The following MTMR4 variants were observed in gnomAD, a reference collection of about 807,000 sequenced individuals.
MTMR4 encodes the protein phosphatidylinositol-3,5-bisphosphate 3-phosphatase MTMR4.
MTMR4 carries 30 observed loss-of-function variants against 125.5 expected under a neutral mutation model. That is an observed-to-expected ratio of 0.24 (90% CI 0.18 to 0.32). The LOEUF (loss-of-function observed/expected upper bound fraction) is 0.32, where lower values mean the gene tolerates loss of function less well. Ranked by LOEUF, MTMR4 falls within the 10% of genes least tolerant of loss-of-function variation. The pLI, the probability that MTMR4 is intolerant of heterozygous loss-of-function variation, is 1.00. For missense variants in MTMR4, 1,039 were observed against 1,511.5 expected (o/e 0.69, Z 5.18); for synonymous variants, 498 against 564.5 (o/e 0.88, Z 1.67).
chr17:58,494,623 G>A (rs1975403918), intron 15 of MTMR4, among the ~76,000 whole-genome samples: 1 of 152,128 alleles, frequency 6.6e-6, no homozygotes, highest in African/African-American at 2.4e-5. Context: ...CTACGCTTCT[G>A]CAAATGGTGT....
At chr17:58,499,437 C>T (rs964028019) in intron 14 of MTMR4, among the ~76,000 whole-genome samples, 3 of 151,954 alleles carry the variant, frequency 2.0e-5, no homozygotes, top group African/African-American at 2.4e-5. Flanking sequence ...ATCCCAGTTA[C>T]TCGGGAGGCT....
chr17:58,505,683 G>T, intron 9 of MTMR4, 100 bp from the exon 10 acceptor site: 2 of 684,052 alleles, frequency 2.9e-6, no homozygotes, highest in Non-Finnish European at 2.6e-6. Context: ...TGAAGCGGTT[G>T]GATCACCTGA....
intron 15 of MTMR4, among the ~76,000 whole-genome samples, chr17:58,493,369 T>G (rs1422081881): frequency 6.6e-6 from 1 of 152,266 alleles, no homozygotes; most frequent in African/African-American, 2.4e-5. Flanking sequence ...TGTTTTGTTT[T>G]TGAGACAAGG....
At chr17:58,513,717 G>A (rs1289073038) in intron 1 of MTMR4, among the ~76,000 whole-genome samples, 2 of 151,916 alleles carry the variant, frequency 1.3e-5, no homozygotes, top group Non-Finnish European at 2.9e-5. Context: ...GAGGAGGCCC[G>A]GCAGACACCC....
chr17:58,514,660 G>C (rs919771032), upstream of MTMR4: 14 of 985,194 alleles, frequency 1.4e-5, no homozygotes, highest in African/African-American at 5.2e-5. Context: ...GGGAGAGCCC[G>C]GGACCGCGGC....
chr17:58,507,531 G>T (rs1035818779), intron 7 of MTMR4, among the ~76,000 whole-genome samples: 1 of 152,174 alleles, frequency 6.6e-6, no homozygotes, highest in African/African-American at 2.4e-5. Flanking sequence ...TATGTCCAAG[G>T]TGACCTTGAC....
Position 58,492,808 on chromosome 17 carries a change from C to T in MTMR4, c.3363+34G>A, listed in dbSNP as rs147062895. 3,677 of 1,568,772 alleles carry T rather than the reference C, an allele frequency of 2.3e-3. 9 individuals carry two copies. The highest frequency in any genetic ancestry group is 8.2e-3 in the South Asian group (743 of 90,092). Reference sequence around the variant, plus strand: ...GAAAATATGATGACTCACTGGCTCACGTAAGTACCCACCACATATGTGCCT... The same window carrying T: ...GAAAATATGATGACTCACTGGCTCATGTAAGTACCCACCACATATGTGCCT... On this transcript the variant is annotated intron_variant, in intron 16 of 17. Transcript: ENST00000682306.
At position 58,507,108 on chromosome 17, in the gene MTMR4, T is replaced by A; in HGVS notation, c.904+15A>T. 1 of 1,613,968 alleles carries A rather than the reference T, an allele frequency of 6.2e-7. No individual in the cohort carries two copies. Among genetic ancestry groups the A allele is most frequent in the Non-Finnish European group, 8.5e-7 (1 of 1,179,904 alleles). ...GGGCCTGCTCCCTGGGGGGTTAGCA[T>A]CATCCACACCTTACCAAAGTCAGCA... On this transcript the variant is annotated intron_variant, in intron 8 of 17. Coordinates refer to ENST00000682306, the MANE Select transcript of MTMR4 (RefSeq NM_001378067.1).
chr17:58,516,507 T>C, upstream of MTMR4: 2 of 1,528,742 alleles, frequency 1.3e-6, no homozygotes, highest in Non-Finnish European at 9.1e-7. Context: ...CTAGGACAGG[T>C]GGGGCAGCTT....
In MTMR4 at chr17:58,512,344, C is replaced by T. The variant is rs767588346; in HGVS notation, c.252+46G>A. The T allele has an allele frequency of 5.4e-6, 8 of 1,484,318 alleles. No homozygotes were observed. The Admixed American group carries it at 1.3e-4, about 25-fold the overall frequency. 91.9% of individuals were successfully genotyped at this position (1,484,318 alleles called of 1,614,324 possible). On this transcript the variant is annotated intron_variant, in intron 3 of 17. Transcript: ENST00000682306. This position sits in a 1 kb window ranked among gnomAD's most constrained non-coding sequence, Gnocchi z 4.1. ...CTTGGAACAATCCCACCTTGAACTT[C>T]ATAGGGATTCTAGCTTAGGGGTAGG...
In MTMR4 at chr17:58,495,650, T is replaced by A. The variant is rs1404658868; in HGVS notation, c.2534A>T (p.Asp845Val). 2 of 1,614,058 alleles carry A rather than the reference T, an allele frequency of 1.2e-6. No individual in the cohort carries two copies. The highest frequency in any genetic ancestry group is 1.7e-6 in the Non-Finnish European group (2 of 1,180,040). ...ACQTPLDPST[D>V]FLNQDPSGSV... ...CCCTGAGGGATCTTGGTTGAGGAAG[T>A]CAGTGCTTGGGTCTAGAGGAGTTTG... Residue 845 changes from aspartate to valine, a missense_variant, in exon 15 of 18, where the codon GAC (aspartate) becomes GTC (valine). Physicochemically the swap from Asp to Val is radical, Grantham distance 152. This residue lies in a region of MTMR4 where 619 missense variants were observed against 714.5 expected (regional missense o/e 0.87). Coordinates refer to ENST00000682306, the MANE Select transcript of MTMR4 (RefSeq NM_001378067.1).
intron 15 of MTMR4, 142 bp from the exon 16 acceptor site, chr17:58,493,094 C>A: frequency 1.6e-6 from 1 of 617,966 alleles, no homozygotes; most frequent in Non-Finnish European, 2.9e-6. Context: ...ACTAATATCC[C>A]CATTTTACAA....
At chr17:58,513,316 G>C (rs1277363851) in intron 1 of MTMR4, among the ~76,000 whole-genome samples, 2 of 152,186 alleles carry the variant, frequency 1.3e-5, no homozygotes, top group African/African-American at 4.8e-5. Flanking sequence ...GTGCTGTCCT[G>C]AGGAAAAGGA....
At chr17:58,509,154 C>G (rs1975859684) in intron 4 of MTMR4, among the ~76,000 whole-genome samples, 1 of 151,990 alleles carries the variant, frequency 6.6e-6, no homozygotes, top group South Asian at 2.1e-4. Flanking sequence ...ACTCCTTGTC[C>G]CTACCCTAAT....
chr17:58,499,384 T>C (rs1975558814), intron 14 of MTMR4, among the ~76,000 whole-genome samples: 1 of 152,012 alleles, frequency 6.6e-6, no homozygotes, highest in Non-Finnish European at 1.5e-5. Context: ...CCGTCTCTAC[T>C]AAAAATACAA....
intron 7 of MTMR4, chr17:58,507,953 A>T (rs72628393): frequency 0.39 from 184,187 of 469,694 alleles, 36,941 homozygotes; most frequent in East Asian, 0.53. Context: ...ACACACACAC[A>T]CTCTAAAAAA....
In MTMR4 at chr17:58,512,133, G is replaced by T. The variant is rs184837444; in HGVS notation, c.252+257C>A. 3.9e-5 allele frequency among the ~76,000 whole-genome samples: 6 copies of T among 152,092 alleles called. No individual in the cohort carries two copies. Among genetic ancestry groups the T allele is most frequent in the East Asian group, 1.9e-4 (1 of 5,178 alleles). On this transcript the variant is annotated intron_variant, in intron 3 of 17. Transcript: ENST00000682306. This position sits in a 1 kb window ranked among gnomAD's most constrained non-coding sequence, Gnocchi z 4.1. ...CCCGAGTAGGTGGGATTACAGGTGC[G>T]CACCACCAAGCCCGACTAATTTTTG...
At chr17:58,513,753 G>A (rs370361762) in intron 1 of MTMR4, among the ~76,000 whole-genome samples, 2 of 152,084 alleles carry the variant, frequency 1.3e-5, no homozygotes, top group East Asian at 1.9e-4. Flanking sequence ...GGACAGCTGA[G>A]AGGACAGATG....
At chr17:58,493,343 G>A (rs971083804) in intron 15 of MTMR4, among the ~76,000 whole-genome samples, 1 of 152,212 alleles carries the variant, frequency 6.6e-6, no homozygotes, top group African/African-American at 2.4e-5. Flanking sequence ...TTTACTTACT[G>A]TCTATGGCTG....
Sources: gnomAD v4.1 joint callset for allele counts (sites outside exome capture counted in the v4.1 genomes callset) on GRCh38, gnomAD v4.1.1 for gene constraint, gnomAD v4.1.1 regional missense constraint, Gnocchi (gnomAD v3.1) non-coding constraint, MANE v1.5 for transcripts, NCBI Gene and HGNC (gene_info 2026-07-23, HGNC 2026-07-21) for gene names.